MROH2B: variants seen among roughly 807,000 people sequenced by gnomAD.
MROH2B encodes maestro heat-like repeat-containing protein family member 2B.
MROH2B carries 177 observed loss-of-function variants against 208.6 expected under a neutral mutation model. That is an observed-to-expected ratio of 0.85 (90% CI 0.75 to 0.96). MROH2B has a LOEUF of 0.96. Ranked by LOEUF, MROH2B falls within the 40% of genes least tolerant of loss-of-function variation. The probability of loss-of-function intolerance (pLI) is 0.00; values close to 1 mark genes in which losing one functional copy is unlikely to be tolerated. For synonymous variants in MROH2B, 728 were observed against 659.0 expected, an observed-to-expected ratio of 1.10 and a Z score of -1.60; for missense variants, 2,002 against 1,878.7, an observed-to-expected ratio of 1.07 and a Z score of -1.21.
At chr5:41,034,996 CA>C in intron 21 of MROH2B, among the ~76,000 whole-genome samples, 1 of 152,114 alleles carries the variant, frequency 6.6e-6, no homozygotes, top group East Asian at 1.9e-4. Context: ...TAGGAAGAAT[CA>C]ATATTGTTAG....
At chr5:41,025,996 C>T (rs1742345852) in intron 24 of MROH2B, among the ~76,000 whole-genome samples, 1 of 152,140 alleles carries the variant, frequency 6.6e-6, no homozygotes, top group Non-Finnish European at 1.5e-5. Context: ...GCCCCTCATG[C>T]TAAAAACTCT....
intron 24 of MROH2B, among the ~76,000 whole-genome samples, chr5:41,021,241 C>T (rs756385179): frequency 4.6e-5 from 7 of 152,068 alleles, no homozygotes; most frequent in African/African-American, 7.2e-5. Context: ...TAAACTTAAC[C>T]AAGTGAAACA....
intron 24 of MROH2B, among the ~76,000 whole-genome samples, chr5:41,027,984 A>G (rs1336772300): frequency 1.3e-5 from 2 of 152,014 alleles, no homozygotes; most frequent in East Asian, 3.9e-4. Context: ...TGGGAACTGA[A>G]CAATGAGAAC....
At chr5:41,042,763 C>T (rs958458202) in intron 18 of MROH2B, among the ~76,000 whole-genome samples, 5 of 151,964 alleles carry the variant, frequency 3.3e-5, no homozygotes, top group Admixed American at 2.6e-4. Flanking sequence ...TGCCACCATG[C>T]CTGGTTAATT....
intron 18 of MROH2B, 132 bp downstream of exon 18, chr5:41,045,613 TA>T: frequency 1.5e-6 from 1 of 677,032 alleles, no homozygotes; most frequent in Non-Finnish European, 2.5e-6. Context: ...CTAGTGGCCT[TA>T]AAAAGAGGGA....
At chr5:41,008,883 A>C in intron 32 of MROH2B, 90 bp from the exon 33 acceptor site, 2 of 1,264,862 alleles carry the variant, frequency 1.6e-6, no homozygotes, top group Non-Finnish European at 2.2e-6. Context: ...TGTTTTCTCC[A>C]CCAGTAAAAA....
At position 41,054,832 on chromosome 5, in the gene MROH2B, A is replaced by G. The variant is rs325874; in HGVS notation, c.1042T>C (p.Leu348=). Residue 348 remains leucine (L), a synonymous_variant, in exon 11 of 42, where the codon TTG becomes CTG. Transcript: ENST00000399564. ...RLAVNADEPR[L]RDHIISIERT... ...TCTATTGAAATGATGTGATCCCTCAACCTGGGCTCTGAAAGACAGAGGGAG... is the reference window on the plus strand; with the variant it reads ...TCTATTGAAATGATGTGATCCCTCAGCCTGGGCTCTGAAAGACAGAGGGAG... 0.22 allele frequency: 349,537 copies of G among 1,606,260 alleles called. 38,981 individuals are homozygous for G. Among genetic ancestry groups the G allele is most frequent in the Middle Eastern group, 0.24 (1,449 of 6,038 alleles).
chr5:41,029,015 G>A (rs1742475824), intron 24 of MROH2B, among the ~76,000 whole-genome samples: 1 of 152,088 alleles, frequency 6.6e-6, no homozygotes, highest in South Asian at 2.1e-4. Context: ...GGGTCATATA[G>A]TAATTCTATT....
At chr5:41,045,628 CT>C (rs11297360) in intron 18 of MROH2B, 117 bp downstream of exon 18, 477,096 of 598,090 alleles carry the variant, frequency 0.8, 187,353 homozygotes, top group Middle Eastern at 0.85. Flanking sequence ...AGAGGGAACT[CT>C]TTTTTTTTTT....
chr5:41,024,983 G>T (rs1364643556), intron 24 of MROH2B, among the ~76,000 whole-genome samples: 1 of 152,108 alleles, frequency 6.6e-6, no homozygotes, highest in African/African-American at 2.4e-5. Context: ...TTCTTTGAAA[G>T]CAATGAGAAC....
chr5:41,035,872 T>C (rs896276848), intron 21 of MROH2B, among the ~76,000 whole-genome samples: 4 of 152,008 alleles, frequency 2.6e-5, no homozygotes, highest in South Asian at 4.1e-4. Context: ...GAAAAGGGAA[T>C]GTTTATACAC....
intron 28 of MROH2B, among the ~76,000 whole-genome samples, chr5:41,016,013 T>G (rs1231345016): frequency 6.6e-6 from 1 of 152,144 alleles, no homozygotes; most frequent in Non-Finnish European, 1.5e-5. Context: ...TGTTTATTAT[T>G]TGAATGTATA....
In MROH2B at chr5:41,045,818, C is replaced by T; in HGVS notation, c.1764G>A (p.Val588=). 1 of 1,613,264 alleles carries T rather than the reference C, an allele frequency of 6.2e-7. No individual in the cohort carries two copies. The highest frequency in any genetic ancestry group is 8.5e-7 in the Non-Finnish European group (1 of 1,179,434). ...CCTGAGTCAGCTGAATGGTCCAGGC[C>T]ACATCACTGATCTTCCATAAGGATT... ...LKESLWKISD[V]AWTIQLTQDF... is the part of the protein sequence containing the mutation. The change falls in exon 18 of 42, where the codon GTG becomes GTA. Residue 588 remains valine (V), a synonymous_variant. Transcript: ENST00000399564.
At chr5:41,009,878 AG>A (rs749487808) in intron 31 of MROH2B, 43 bp downstream of exon 31, 35 of 1,566,432 alleles carry the variant, frequency 2.2e-5, no homozygotes, top group Non-Finnish European at 1.8e-5. Flanking sequence ...TGCCTTTCAG[AG>A]TGGCCTTCCC....
chr5:41,001,975 C>G (rs1261665507), intron 37 of MROH2B, among the ~76,000 whole-genome samples: 1 of 152,000 alleles, frequency 6.6e-6, no homozygotes, highest in Non-Finnish European at 1.5e-5. Flanking sequence ...TATAGATCTT[C>G]TAAAAAATGA....
At chr5:41,020,203 T>C (rs991094457) in intron 24 of MROH2B, among the ~76,000 whole-genome samples, 9 of 152,078 alleles carry the variant, frequency 5.9e-5, no homozygotes, top group Non-Finnish European at 1.5e-5. Context: ...AATAGTATAC[T>C]AAATATATTG....
In MROH2B at chr5:41,048,449, G is replaced by A; in HGVS notation, c.1559C>T (p.Ala520Val). ...AGCCCCACGTAACTCCCCTAAACTG[G>A]CAGGCATAGATATTACCTGAAGGAT... ...LARLLVISMP[A>V]SLGELRGAGA... is the part of the protein sequence containing the mutation. Residue 520 changes from alanine to valine, a missense_variant, in exon 16 of 42, where the codon GCC becomes GTC. Physicochemically the swap from Ala to Val is moderately conservative, Grantham distance 64. Coordinates refer to ENST00000399564, the MANE Select transcript of MROH2B (RefSeq NM_173489.5). 1 of 1,612,524 alleles carries A rather than the reference G, an allele frequency of 6.2e-7. No homozygotes were observed. Among genetic ancestry groups the A allele is most frequent in the Non-Finnish European group, 8.5e-7 (1 of 1,179,310 alleles).
chr5:41,004,713 A>C, intron 36 of MROH2B, 61 bp downstream of exon 36: 1 of 1,573,058 alleles, frequency 6.4e-7, no homozygotes, highest in African/African-American at 1.4e-5. Flanking sequence ...GGCGTGGGTT[A>C]TTAAATCATT....
intron 7 of MROH2B, 104 bp downstream of exon 7, chr5:41,057,959 C>A (rs1414749181): frequency 5.3e-6 from 6 of 1,140,830 alleles, no homozygotes; most frequent in Non-Finnish European, 4.7e-6. Flanking sequence ...AGTCAGCTGC[C>A]CAAACAGGAG....
Sources: gnomAD v4.1 joint callset for allele counts (sites outside exome capture counted in the v4.1 genomes callset) on GRCh38, gnomAD v4.1.1 for gene constraint, MANE v1.5 for transcripts, NCBI Gene and HGNC (gene_info 2026-07-23, HGNC 2026-07-21) for gene names.